LYRM4: variants seen among roughly 807,000 people sequenced by gnomAD.
LYRM4 encodes the protein LYR motif-containing protein 4.
A neutral mutation model predicts 11.7 loss-of-function variants in LYRM4; 9 were observed. That is an observed-to-expected ratio of 0.77 (90% CI 0.46 to 1.34). The LOEUF is 1.34. LYRM4 is among the 40% of genes most tolerant of loss of function. The probability of loss-of-function intolerance (pLI) is 0.00; values close to 1 mark genes in which losing one functional copy is unlikely to be tolerated. For missense variants in LYRM4, 133 were observed against 112.5 expected, an observed-to-expected ratio of 1.18 and a Z score of -0.82; for synonymous variants, 42 against 40.4, an observed-to-expected ratio of 1.04 and a Z score of -0.15.
chr6:5,108,517 T>C lies in LYRM4; in HGVS notation c.*906A>G, dbSNP rs976875271. The stretch of plus-strand genomic sequence containing the variant: ...TGAAAACAGTGGGAGAGCTTCAGAA[T>C]AGAGAAAAATGACTGTGCCTCACCC... On this transcript the variant is annotated 3_prime_UTR_variant, in exon 3 of 3. Coordinates refer to ENST00000330636, the MANE Select transcript of LYRM4 (RefSeq NM_020408.6). 14 of 675,390 alleles carry C rather than the reference T, an allele frequency of 2.1e-5. No homozygotes were observed. Among genetic ancestry groups the C allele is most frequent in the Non-Finnish European group, 2.6e-5 (14 of 546,430 alleles). 41.8% of individuals were successfully genotyped at this position (675,390 alleles called of 1,614,324 possible).
At chr6:5,249,458 T>C (rs993959484) in intron 1 of LYRM4, among the ~76,000 whole-genome samples, 3 of 152,226 alleles carry the variant, frequency 2.0e-5, no homozygotes, top group Non-Finnish European at 2.9e-5. Context: ...AGGAAGTCAC[T>C]GTGATTTTTG....
intron 2 of LYRM4, among the ~76,000 whole-genome samples, chr6:5,123,143 C>T (rs989820807): frequency 6.6e-6 from 1 of 152,196 alleles, no homozygotes; most frequent in Non-Finnish European, 1.5e-5. Context: ...GGAAAAACAT[C>T]GCCTTGAGCC....
chr6:5,131,378 C>T (rs1292549405), intron 2 of LYRM4, among the ~76,000 whole-genome samples: 1 of 152,138 alleles, frequency 6.6e-6, no homozygotes, highest in Non-Finnish European at 1.5e-5. Context: ...TAAATACACA[C>T]ACATGTATCT....
downstream of LYRM4, chr6:5,103,864 C>G (rs1762579468): frequency 6.6e-6 from 1 of 152,210 alleles, no homozygotes; most frequent in South Asian, 2.1e-4. Context: ...TCTTGAACTC[C>G]TGACATCGTG....
At chr6:5,114,610 A>G (rs1398408221) in intron 2 of LYRM4, among the ~76,000 whole-genome samples, 1 of 152,226 alleles carries the variant, frequency 6.6e-6, no homozygotes, top group African/African-American at 2.4e-5. Flanking sequence ...ACAGGAAATT[A>G]TAAAGATTCT....
At chr6:5,086,363 A>G in the LYRM4 span, 2 of 1,536,000 alleles carry the variant, frequency 1.3e-6, no homozygotes, top group Non-Finnish European at 8.7e-7. Flanking sequence ...GATGCCAAGA[A>G]AGAGCCAGGC....
intron 1 of LYRM4, among the ~76,000 whole-genome samples, chr6:5,220,497 C>G (rs1762520080): frequency 6.6e-6 from 1 of 152,212 alleles, no homozygotes; most frequent in Non-Finnish European, 1.5e-5. Context: ...ATCCTTTCTA[C>G]TGGCCTCTGT....
intron 2 of LYRM4, among the ~76,000 whole-genome samples, chr6:5,131,722 C>G (rs1293299377): frequency 6.6e-6 from 1 of 152,180 alleles, no homozygotes; most frequent in Non-Finnish European, 1.5e-5. Flanking sequence ...TTCTATTCCT[C>G]AGGTTAATTT....
chr6:5,182,676 T>A (rs1184995539), intron 2 of LYRM4, among the ~76,000 whole-genome samples: 1 of 152,222 alleles, frequency 6.6e-6, no homozygotes, highest in Admixed American at 6.5e-5. Flanking sequence ...CGAGCCTGAA[T>A]ATGTGTATTT....
At chr6:5,252,332 C>G (rs2127773082) in intron 1 of LYRM4, among the ~76,000 whole-genome samples, 1 of 152,284 alleles carries the variant, frequency 6.6e-6, no homozygotes, top group South Asian at 2.1e-4. Context: ...ACTGTGAGAC[C>G]AATCAAGTTG....
At chr6:5,221,376 G>C (rs1326438389) in intron 1 of LYRM4, among the ~76,000 whole-genome samples, 2 of 152,170 alleles carry the variant, frequency 1.3e-5, no homozygotes, top group Admixed American at 6.5e-5. Context: ...CTAAAATATA[G>C]ACTCTTCCAG....
In LYRM4 at chr6:5,224,925, A is replaced by C. The variant is rs1281077123; in HGVS notation, c.87-8187T>G. Reference sequence around the variant, plus strand: ...CAATGAGCCGAGATTGCGCCACTGCACTCCAGCCTGGCTAACAAGAGTGAA... The same window carrying C: ...CAATGAGCCGAGATTGCGCCACTGCCCTCCAGCCTGGCTAACAAGAGTGAA... On this transcript the variant is annotated intron_variant, in intron 1 of 2. Coordinates refer to ENST00000330636, the MANE Select transcript of LYRM4 (RefSeq NM_020408.6). 2.0e-5 allele frequency among the ~76,000 whole-genome samples: 3 copies of C among 150,058 alleles called. 1 individual carries two copies. The highest frequency in any genetic ancestry group is 2.0e-4 in the Admixed American group (3 of 15,082).
intron 2 of LYRM4, among the ~76,000 whole-genome samples, chr6:5,120,061 AT>A (rs764194187): frequency 6.6e-6 from 1 of 151,658 alleles, no homozygotes; most frequent in South Asian, 2.1e-4. Flanking sequence ...CGTCTGGCTA[AT>A]TTTTTTGTAT....
intron 2 of LYRM4, chr6:5,136,746 A>G: frequency 3.0e-6 from 3 of 985,452 alleles, no homozygotes; most frequent in Non-Finnish European, 3.6e-6. Flanking sequence ...CAGCGCCTGT[A>G]GGAAGACTGG....
chr6:5,218,464 A>T (rs1413484943), intron 1 of LYRM4: 3 of 787,390 alleles, frequency 3.8e-6, no homozygotes, highest in Non-Finnish European at 4.6e-6. Context: ...GGCATTTTAC[A>T]TTAAAAAATT....
chr6:5,085,499 G>C, the LYRM4 span: 1 of 1,536,348 alleles, frequency 6.5e-7, no homozygotes, highest in Middle Eastern at 2.3e-4. Context: ...GAGCCCATAG[G>C]GGCGCGGCTA....
At chr6:5,218,222 T>G in intron 1 of LYRM4, 5 of 982,860 alleles carry the variant, frequency 5.1e-6, no homozygotes, top group Non-Finnish European at 6.0e-6. Flanking sequence ...GTCTTCTTAA[T>G]GATCACAGAC....
chr6:5,136,016 T>C (rs1258012315), intron 2 of LYRM4, among the ~76,000 whole-genome samples: 1 of 152,238 alleles, frequency 6.6e-6, no homozygotes, highest in East Asian at 1.9e-4. Flanking sequence ...TTGTTTCTTC[T>C]ATGGCTTATT....
At chr6:5,171,121 T>C (rs1035128595) in intron 2 of LYRM4, among the ~76,000 whole-genome samples, 6 of 152,378 alleles carry the variant, frequency 3.9e-5, no homozygotes, top group Admixed American at 3.3e-4. Context: ...AGGATATACA[T>C]GAAAATAATA....
Sources: gnomAD v4.1 joint callset for allele counts (sites outside exome capture counted in the v4.1 genomes callset) on GRCh38, gnomAD v4.1.1 for gene constraint, MANE v1.5 for transcripts, NCBI Gene and HGNC (gene_info 2026-07-23, HGNC 2026-07-21) for gene names.